The following GAREM1 variants were observed in gnomAD, a reference collection of about 807,000 sequenced individuals.
The protein encoded by GAREM1 is GRB2 associated regulator of MAPK1 subtype 1.
In GAREM1, 26 loss-of-function variants were observed where a neutral mutation model predicts 71.3. The observed-to-expected ratio is 0.36, with a 90% CI of 0.27 to 0.51. The LOEUF (loss-of-function observed/expected upper bound fraction) is 0.51. GAREM1 is among the 20% of genes least tolerant of loss of function. The pLI is 0.95. For missense variants in GAREM1, 1,026 were observed against 1,103.1 expected, an observed-to-expected ratio of 0.93 and a Z score of 0.99; for synonymous variants, 440 against 433.2, an observed-to-expected ratio of 1.02 and a Z score of -0.20.
At chr18:32,349,523 A>T (rs1196426399) in intron 2 of GAREM1, among the ~76,000 whole-genome samples, 15 of 152,198 alleles carry the variant, frequency 9.9e-5, no homozygotes, top group Non-Finnish European at 2.9e-5. Context: ...TCTCCTACAC[A>T]GAGGTATTAC....
At chr18:32,467,317 CAG>C (rs2049009069) in intron 1 of GAREM1, among the ~76,000 whole-genome samples, 1 of 152,190 alleles carries the variant, frequency 6.6e-6, no homozygotes, top group East Asian at 1.9e-4. Context: ...CTCAAGCTCT[CAG>C]AGAGACAGTG....
intron 5 of GAREM1, among the ~76,000 whole-genome samples, chr18:32,269,549 C>T (rs969683671): frequency 1.3e-5 from 2 of 152,074 alleles, no homozygotes; most frequent in Non-Finnish European, 2.9e-5. Flanking sequence ...ATAGCTGACT[C>T]GGAATTTTCA....
At chr18:32,445,288 A>G (rs2144281805) in intron 1 of GAREM1, among the ~76,000 whole-genome samples, 1 of 152,280 alleles carries the variant, frequency 6.6e-6, no homozygotes, top group East Asian at 1.9e-4. Flanking sequence ...CAGAATTATT[A>G]AAAGATATAT....
intron 3 of GAREM1, among the ~76,000 whole-genome samples, chr18:32,297,219 G>A (rs2047150423): frequency 6.6e-6 from 1 of 152,168 alleles, no homozygotes; most frequent in Admixed American, 6.5e-5. Context: ...AAGAACCATG[G>A]CCTTTGGAAA....
At chr18:32,360,250 T>A (rs1296233066) in intron 2 of GAREM1, among the ~76,000 whole-genome samples, 2 of 152,070 alleles carry the variant, frequency 1.3e-5, no homozygotes, top group East Asian at 3.9e-4. Flanking sequence ...ATATATCCTC[T>A]ATTCTCTGAT....
intron 2 of GAREM1, among the ~76,000 whole-genome samples, chr18:32,355,419 A>G (rs995768533): frequency 1.3e-5 from 2 of 148,848 alleles, no homozygotes. Context: ...TGACTATTTT[A>G]TCTAGATTTC....
At chr18:32,321,169 A>G (rs1302603463) in intron 2 of GAREM1, among the ~76,000 whole-genome samples, 1 of 152,206 alleles carries the variant, frequency 6.6e-6, no homozygotes, top group Non-Finnish European at 1.5e-5. Flanking sequence ...AAATGAATAA[A>G]TAAACATATA....
intron 1 of GAREM1, among the ~76,000 whole-genome samples, chr18:32,453,440 G>C (rs1478652426): frequency 1.3e-5 from 2 of 152,064 alleles, no homozygotes; most frequent in Non-Finnish European, 2.9e-5. Context: ...GTCGAAAACC[G>C]AGCTGCAGGC....
At chr18:32,357,963 T>G (rs1159585723) in intron 2 of GAREM1, among the ~76,000 whole-genome samples, 1 of 152,190 alleles carries the variant, frequency 6.6e-6, no homozygotes, top group Admixed American at 6.5e-5. Flanking sequence ...CTATTGTTAC[T>G]CTAGATATTT....
chr18:32,282,354 A>G (rs1156330158), intron 4 of GAREM1, among the ~76,000 whole-genome samples: 2 of 152,052 alleles, frequency 1.3e-5, no homozygotes, highest in Admixed American at 6.6e-5. Flanking sequence ...TGAACCCAGG[A>G]GGTGGAGGTT....
Position 32,287,320 on chromosome 18 carries a change from G to A in GAREM1, c.1277C>T (p.Ser426Phe). ...AAGGTAGTCGCTCCCACTATCTCCA[G>A]AGTCCTGATAGGGCAGGATGTCATG... The part of the protein sequence containing the change: ...FPHDILPYQD[S>F]GDSGSDYLFP... Residue 426 changes from serine to phenylalanine, a missense_variant, in exon 4 of 6, where the codon TCT (serine) becomes TTT (phenylalanine). Transcript: ENST00000269209. The surrounding 1 kb of genome is among the most constrained non-coding windows in gnomAD (Gnocchi z 5.9). The A allele has an allele frequency of 6.2e-7, 1 of 1,614,194 alleles. No homozygotes were observed. Among genetic ancestry groups the A allele is most frequent in the East Asian group, 2.2e-5 (1 of 44,874 alleles).
chr18:32,406,319 G>A (rs996010042), intron 1 of GAREM1, among the ~76,000 whole-genome samples: 16 of 152,052 alleles, frequency 1.1e-4, no homozygotes, highest in Admixed American at 2.6e-4. Context: ...GTGAGCCACC[G>A]CGCCCAGCCT....
At chr18:32,314,778 AG>A (rs2047359832) in intron 2 of GAREM1, among the ~76,000 whole-genome samples, 1 of 151,920 alleles carries the variant, frequency 6.6e-6, no homozygotes, top group Non-Finnish European at 1.5e-5. Context: ...TAGTAGAGGC[AG>A]GGTTTCACCA....
intron 1 of GAREM1, among the ~76,000 whole-genome samples, chr18:32,403,031 C>A (rs988824894): frequency 1.3e-5 from 2 of 152,110 alleles, no homozygotes; most frequent in African/African-American, 4.8e-5. Flanking sequence ...GATTCTCGTG[C>A]CTCAGCCTCC....
chr18:32,333,746 T>C (rs1404998020), intron 2 of GAREM1, among the ~76,000 whole-genome samples: 1 of 152,236 alleles, frequency 6.6e-6, no homozygotes, highest in Non-Finnish European at 1.5e-5. Context: ...ATGCTCTTCC[T>C]GGGCTGACAA....
At chr18:32,337,358 A>G (rs1357900645) in intron 2 of GAREM1, among the ~76,000 whole-genome samples, 2 of 152,236 alleles carry the variant, frequency 1.3e-5, no homozygotes, top group African/African-American at 4.8e-5. Context: ...TGATGAAGCC[A>G]GGACAATTCT....
chr18:32,335,713 T>C (rs1043135598), intron 2 of GAREM1, among the ~76,000 whole-genome samples: 1 of 152,250 alleles, frequency 6.6e-6, no homozygotes, highest in Non-Finnish European at 1.5e-5. Flanking sequence ...CTGCTTTCTG[T>C]GAAATTAATT....
At position 32,429,650 on chromosome 18, in the gene GAREM1, G is replaced by A. The variant is rs75865450; in HGVS notation, c.122-36615C>T. ...TATGAATTGAGAAAAGCCAGAAAGT[G>A]CTTCAGCTTGCCGGCTATGTTTCCG... On this transcript the variant is annotated intron_variant, in intron 1 of 5. Coordinates refer to ENST00000269209, the MANE Select transcript of GAREM1 (RefSeq NM_001242409.2). Among the ~76,000 whole-genome samples, 3,328 of 152,312 alleles carry A rather than the reference G, an allele frequency of 0.022. 341 individuals are homozygous for A. The East Asian group carries it at 0.31, about 14-fold the overall frequency.
rs150384146 is a variant in GAREM1, at chr18:32,321,220, G to A, written c.263-10897C>T. 1.3e-3 allele frequency among the ~76,000 whole-genome samples: 195 copies of A among 152,200 alleles called. 1 individual carries two copies. The highest frequency in any genetic ancestry group is 4.0e-3 in the African/African-American group (166 of 41,546). On this transcript the variant is annotated intron_variant, in intron 2 of 5. Coordinates refer to ENST00000269209, the MANE Select transcript of GAREM1 (RefSeq NM_001242409.2). ...CTAACCACCAAGCCCAGACTCCTCT[G>A]CCTCGGCTTTTATTTAAGTCCCTCC...
Sources: gnomAD v4.1 joint callset for allele counts (sites outside exome capture counted in the v4.1 genomes callset) on GRCh38, gnomAD v4.1.1 for gene constraint, Gnocchi (gnomAD v3.1) non-coding constraint, MANE v1.5 for transcripts, NCBI Gene and HGNC (gene_info 2026-07-23, HGNC 2026-07-21) for gene names.